UQCC1: variants seen among roughly 807,000 people sequenced by gnomAD.
UQCC1 encodes the protein ubiquinol-cytochrome c reductase complex assembly factor 1, also known as bFGF-repressed Zic-binding protein.
Under a neutral mutation model 48.0 loss-of-function variants are expected in UQCC1, and 38 were observed. The observed-to-expected ratio is 0.79, with a 90% CI of 0.61 to 1.04. The LOEUF is 1.04. Ranked by LOEUF, UQCC1 falls within the 50% of genes least tolerant of loss-of-function variation. UQCC1 has a pLI of 0.00. For synonymous variants in UQCC1, 111 were observed against 129.2 expected (o/e 0.86, Z 0.95); for missense variants, 368 against 381.8 (o/e 0.96, Z 0.30).
intron 4 of UQCC1, among the ~76,000 whole-genome samples, 197 bp from the exon 5 acceptor site, chr20:35,374,453 A>C (rs146394284): frequency 6.6e-6 from 1 of 152,342 alleles, no homozygotes; most frequent in East Asian, 1.9e-4. Flanking sequence ...CACAATTTTC[A>C]TATTTTAGGA....
intron 7 of UQCC1, among the ~76,000 whole-genome samples, chr20:35,323,154 ACTGT>A: frequency 6.6e-6 from 1 of 152,228 alleles, no homozygotes; most frequent in East Asian, 1.9e-4. Context: ...GCCCCAATCT[ACTGT>A]CTTTTCTAAG....
chr20:35,391,171 G>A (rs1250358163), intron 2 of UQCC1, among the ~76,000 whole-genome samples: 1 of 151,472 alleles, frequency 6.6e-6, no homozygotes, highest in South Asian at 2.1e-4. Context: ...TCTAGCATGG[G>A]TGACAGAGCA....
At chr20:35,314,658 T>C in intron 8 of UQCC1, 30 bp downstream of exon 8, 1 of 1,579,436 alleles carries the variant, frequency 6.3e-7, no homozygotes. Context: ...GAGGCCACCG[T>C]CCTGCCTAAG....
intron 4 of UQCC1, among the ~76,000 whole-genome samples, chr20:35,375,136 A>C (rs2061781522): frequency 6.6e-6 from 1 of 152,200 alleles, no homozygotes; most frequent in Non-Finnish European, 1.5e-5. Flanking sequence ...AGGGAAAGTT[A>C]TAAACTCAAA....
intron 2 of UQCC1, among the ~76,000 whole-genome samples, chr20:35,388,308 T>TCTTTTTTTTTG (rs67663221): frequency 4.1e-5 from 5 of 121,250 alleles, no homozygotes; most frequent in African/African-American, 1.6e-4. Flanking sequence ...TCTTTTTTTT[T>TCTTTTTTTTTG]GAGACAGGGT....
intron 6 of UQCC1, among the ~76,000 whole-genome samples, chr20:35,351,710 G>A (rs2061491971): frequency 6.6e-6 from 1 of 152,162 alleles, no homozygotes; most frequent in African/African-American, 2.4e-5. Flanking sequence ...GGTTTAAAAG[G>A]CACAGATTTT....
chr20:35,363,401 A>G (rs1002174052), intron 6 of UQCC1, among the ~76,000 whole-genome samples: 1 of 152,220 alleles, frequency 6.6e-6, no homozygotes, highest in African/African-American at 2.4e-5. Flanking sequence ...AATCTTGTTC[A>G]GCAAAGACAA....
chr20:35,363,665 G>A (rs1216584569), intron 6 of UQCC1, among the ~76,000 whole-genome samples: 3 of 152,158 alleles, frequency 2.0e-5, no homozygotes, highest in Admixed American at 6.5e-5. Context: ...AAATGTCAGC[G>A]ACCAGGGTAT....
chr20:35,346,838 T>C, intron 7 of UQCC1: 3 of 711,874 alleles, frequency 4.2e-6, no homozygotes, highest in South Asian at 1.9e-5. Context: ...GTCAAAGGTA[T>C]AGTATCCTTA....
At chr20:35,335,077 TCTAATTTCATTATAA>T (rs1385711805) in intron 7 of UQCC1, among the ~76,000 whole-genome samples, 17 of 152,240 alleles carry the variant, frequency 1.1e-4, no homozygotes, top group Non-Finnish European at 2.2e-4. Context: ...TATAAACATA[TCTAATTTCATTATAA>T]CTAATTTCAT....
intron 7 of UQCC1, among the ~76,000 whole-genome samples, chr20:35,340,583 C>G (rs764617422): frequency 2.6e-5 from 4 of 152,186 alleles, no homozygotes; most frequent in Non-Finnish European, 4.4e-5. Context: ...CTCCCTGGCC[C>G]AAGTGATCCT....
chr20:35,315,093 GC>G (rs2061042443), intron 7 of UQCC1: 2 of 171,020 alleles, frequency 1.2e-5, no homozygotes, highest in Admixed American at 5.8e-5. Flanking sequence ...AGGAAAATAG[GC>G]ATATAAAAAA....
chr20:35,394,092 C>T lies in UQCC1; in HGVS notation c.129G>A (p.Gln43=). The T allele has an allele frequency of 1.2e-6, 2 of 1,612,792 alleles. No individual in the cohort carries two copies. Among genetic ancestry groups the T allele is most frequent in the Non-Finnish European group, 1.7e-6 (2 of 1,178,916 alleles). ...TAAGCAAAAGAACAACAAATCTTAC[C>T]TGGGAAGTGCGAGACAGAGCCCTGT... The part of the protein sequence containing the change: ...QGDRALSRTS[Q]WPQMSQSRAC... Residue 43 remains glutamine (Q), a splice_region_variant and synonymous_variant, in exon 2 of 10, where the codon CAG becomes CAA. Transcript: ENST00000374385.
At chr20:35,404,663 TA>T (rs569653118) in intron 1 of UQCC1, among the ~76,000 whole-genome samples, 18 of 48,260 alleles carry the variant, frequency 3.7e-4, no homozygotes, top group African/African-American at 4.1e-4. Context: ...ACTTAAAGTA[TA>T]AAAAAAAAAG....
At chr20:35,305,336 G>C (rs1410388614) in intron 9 of UQCC1, among the ~76,000 whole-genome samples, 1 of 152,208 alleles carries the variant, frequency 6.6e-6, no homozygotes, top group Non-Finnish European at 1.5e-5. Context: ...TCTCACTGGG[G>C]CCACATGGGA....
At chr20:35,399,457 G>A (rs1358191573) in intron 1 of UQCC1, among the ~76,000 whole-genome samples, 5 of 152,204 alleles carry the variant, frequency 3.3e-5, no homozygotes, top group African/African-American at 1.2e-4. Context: ...CAGATTCTCT[G>A]GTTTGGGAAT....
At chr20:35,324,912 T>C (rs1364862332) in intron 7 of UQCC1, among the ~76,000 whole-genome samples, 1 of 152,236 alleles carries the variant, frequency 6.6e-6, no homozygotes, top group Non-Finnish European at 1.5e-5. Flanking sequence ...GTATCATTTA[T>C]GATAGCCAAA....
Position 35,303,951 on chromosome 20 carries a change from T to A in UQCC1, c.884A>T (p.Asn295Ile). 3 of 1,614,176 alleles carry A rather than the reference T, an allele frequency of 1.9e-6. No individual in the cohort carries two copies. The highest frequency in any genetic ancestry group is 2.5e-6 in the Non-Finnish European group (3 of 1,180,020). ...CCCAGCCCATCAAAGTCCCTCGTCG[T>A]TGTAAGTCGGAGAATGGGGCTTCAG... ...SILKPHSPTY[N>I]DEGL Residue 295 changes from asparagine (N) to isoleucine (I), a missense_variant, in exon 10 of 10, where the codon AAC becomes ATC. Physicochemically the swap from Asn to Ile is moderately radical, Grantham distance 149. Coordinates refer to ENST00000374385, the MANE Select transcript of UQCC1 (RefSeq NM_018244.5).
intron 7 of UQCC1, chr20:35,345,986 T>A (rs2061427909): frequency 1.3e-5 from 2 of 152,066 alleles, no homozygotes; most frequent in Non-Finnish European, 2.9e-5. Context: ...AAGAAGATAC[T>A]AGTGGGAGGT....
Sources: gnomAD v4.1 joint callset for allele counts (sites outside exome capture counted in the v4.1 genomes callset) on GRCh38, gnomAD v4.1.1 for gene constraint, MANE v1.5 for transcripts, NCBI Gene and HGNC (gene_info 2026-07-23, HGNC 2026-07-21) for gene names.